Variants in TRDN observed in about 807,000 individuals in gnomAD.
TRDN encodes triadin, also known as triadin in skeletal muscle.
Under a neutral mutation model 149.7 loss-of-function variants are expected in TRDN, and 161 were observed. The observed-to-expected ratio is 1.08, with a 90% CI of 0.95 to 1.23. The LOEUF (loss-of-function observed/expected upper bound fraction) is 1.23. Ranked by LOEUF, TRDN falls within the 50% of genes most tolerant of loss-of-function variation. The probability of loss-of-function intolerance (pLI) is 0.00; values close to 1 mark genes in which losing one functional copy is unlikely to be tolerated. For missense variants in TRDN, 896 were observed against 823.5 expected, an observed-to-expected ratio of 1.09 and a Z score of -1.08; for synonymous variants, 294 against 250.5, an observed-to-expected ratio of 1.17 and a Z score of -1.64.
intron 7 of TRDN, among the ~76,000 whole-genome samples, chr6:123,504,968 G>A (rs1216217848): frequency 6.6e-6 from 1 of 152,038 alleles, no homozygotes; most frequent in Non-Finnish European, 1.5e-5. Flanking sequence ...GATGAAGGCC[G>A]GGCATGGCGG....
At chr6:123,442,561 A>AAG (rs1774984795) in intron 10 of TRDN, among the ~76,000 whole-genome samples, 1 of 122,712 alleles carries the variant, frequency 8.1e-6, no homozygotes, top group Non-Finnish European at 1.7e-5. Flanking sequence ...AAAAAAAAAA[A>AAG]GAAAAAAAAA....
chr6:123,257,186 G>A (rs1776595173), intron 35 of TRDN, among the ~76,000 whole-genome samples: 3 of 151,850 alleles, frequency 2.0e-5, no homozygotes, highest in African/African-American at 7.3e-5. Flanking sequence ...CACCATGTTG[G>A]CCAGGGTGGT....
chr6:123,262,604 A>G (rs536921273), intron 33 of TRDN, among the ~76,000 whole-genome samples: 64 of 152,140 alleles, frequency 4.2e-4, no homozygotes, highest in Non-Finnish European at 8.1e-4. Flanking sequence ...CTTAATTGCA[A>G]TTCTCAGGTA....
chr6:123,478,795 C>T (rs1156230616), intron 9 of TRDN, among the ~76,000 whole-genome samples: 1 of 152,150 alleles, frequency 6.6e-6, no homozygotes, highest in African/African-American at 2.4e-5. Flanking sequence ...TCAGTCAATC[C>T]TCAAAGCTTA....
At position 123,430,537 on chromosome 6, in the gene TRDN, G is replaced by A. The variant is rs978199461; in HGVS notation, c.1051+7526C>T. On this transcript the variant is annotated intron_variant, in intron 12 of 40. Transcript: ENST00000334268. ...GCGGAGGTTGCAGTAAGCCGAGATC[G>A]CGCCACTGCACTCCAGCCTGGTGAC... is the stretch of plus-strand genomic sequence containing the variant. Among the ~76,000 whole-genome samples, 9 of 151,956 alleles carry A rather than the reference G, an allele frequency of 5.9e-5. No individual in the cohort carries two copies. The East Asian group carries it at 1.4e-3, about 23-fold the overall frequency.
At chr6:123,559,565 C>T (rs1433602940) in intron 2 of TRDN, among the ~76,000 whole-genome samples, 1 of 152,156 alleles carries the variant, frequency 6.6e-6, no homozygotes. Flanking sequence ...CGATCATGCA[C>T]CCCTTACCAT....
intron 24 of TRDN, among the ~76,000 whole-genome samples, chr6:123,288,043 A>T (rs1286958697): frequency 2.0e-5 from 3 of 152,046 alleles, no homozygotes; most frequent in Non-Finnish European, 4.4e-5. Context: ...TATTATGCAT[A>T]GATTAATTTT....
At chr6:123,619,418 G>A (rs1205341326) in intron 1 of TRDN, among the ~76,000 whole-genome samples, 2 of 152,134 alleles carry the variant, frequency 1.3e-5, no homozygotes, top group Non-Finnish European at 2.9e-5. Context: ...CAAGGTCTTG[G>A]TCTCTTTCAT....
At chr6:123,572,829 C>G (rs1464372753) in intron 1 of TRDN, among the ~76,000 whole-genome samples, 3 of 152,010 alleles carry the variant, frequency 2.0e-5, no homozygotes, top group Admixed American at 1.3e-4. Flanking sequence ...TTCAATTTTA[C>G]TATTTATCTC....
chr6:123,301,849 T>C (rs1472100359), intron 24 of TRDN, among the ~76,000 whole-genome samples: 1 of 146,406 alleles, frequency 6.8e-6, no homozygotes, highest in Non-Finnish European at 1.5e-5. Flanking sequence ...GAAATACTGA[T>C]TCAACTGCCA....
chr6:123,428,997 C>A lies in TRDN; in HGVS notation c.1051+9066G>T, dbSNP rs572587094. The A allele has an allele frequency of 4.6e-5, 7 of 152,080 alleles. No individual in the cohort carries two copies. In the South Asian group the frequency reaches 1.5e-3, roughly 32 times the overall value. The allele number at this position is 152,080 out of a possible 1,614,324, so 9.4% of individuals were successfully genotyped here. ...TCTACAAGAAAAGTAAGAGTCAGAC[C>A]TACAGGATCTCTTCTGCATTTTTTC... On this transcript the variant is annotated intron_variant, in intron 12 of 40. Transcript: ENST00000334268.
At chr6:123,415,581 A>G (rs976405213) in intron 12 of TRDN, among the ~76,000 whole-genome samples, 3 of 152,222 alleles carry the variant, frequency 2.0e-5, no homozygotes, top group Non-Finnish European at 4.4e-5. Context: ...TATTAGGCAA[A>G]CACTATATAA....
intron 20 of TRDN, among the ~76,000 whole-genome samples, chr6:123,365,116 G>T (rs143471226): frequency 6.6e-6 from 1 of 152,078 alleles, no homozygotes; most frequent in Admixed American, 6.5e-5. Context: ...CTAGGAAATA[G>T]ATTTTAGCCC....
chr6:123,596,102 T>C (rs1190957113), intron 1 of TRDN, among the ~76,000 whole-genome samples: 2 of 152,006 alleles, frequency 1.3e-5, no homozygotes, highest in Non-Finnish European at 2.9e-5. Context: ...GAAAAGTTAT[T>C]GAAAGAAATT....
intron 23 of TRDN, among the ~76,000 whole-genome samples, chr6:123,317,489 T>C (rs558902026): frequency 2.7e-4 from 41 of 152,052 alleles, no homozygotes; most frequent in Admixed American, 2.4e-3. Flanking sequence ...ATAAAGAATG[T>C]CATAGACTTT....
At chr6:123,242,338 A>AT (rs1297478311) in intron 38 of TRDN, among the ~76,000 whole-genome samples, 3 of 152,052 alleles carry the variant, frequency 2.0e-5, no homozygotes, top group Non-Finnish European at 2.9e-5. Context: ...AGAATGTGGG[A>AT]TTTTTTTGCT....
At chr6:123,349,202 G>A (rs76629141) in intron 21 of TRDN, among the ~76,000 whole-genome samples, 12,316 of 152,140 alleles carry the variant, frequency 0.081, 1,605 homozygotes, top group African/African-American at 0.27. Context: ...TAAAATAAGA[G>A]TAAGAAGAAG....
chr6:123,618,618 C>G lies in TRDN; in HGVS notation c.22+18136G>C, dbSNP rs116563734. Among the ~76,000 whole-genome samples the G allele has an allele frequency of 7.0e-3, 1,066 of 152,302 alleles. 9 individuals are homozygous for G. The highest frequency in any genetic ancestry group is 0.025 in the African/African-American group (1,036 of 41,560). Reference sequence around the variant, plus strand: ...CTGTATACCACAACCAATATTCTCACTACTCTTCATCAGTAGACATTGTGT... The same window carrying G: ...CTGTATACCACAACCAATATTCTCAGTACTCTTCATCAGTAGACATTGTGT... On this transcript the variant is annotated intron_variant, in intron 1 of 40. Coordinates refer to ENST00000334268, the MANE Select transcript of TRDN (RefSeq NM_006073.4).
chr6:123,301,774 T>TATATATATACAC, intron 24 of TRDN, among the ~76,000 whole-genome samples: 1 of 138,666 alleles, frequency 7.2e-6, no homozygotes, highest in Non-Finnish European at 1.5e-5. Context: ...TATATACATA[T>TATATATATACAC]ATATATATAT....
Sources: gnomAD v4.1 joint callset for allele counts (sites outside exome capture counted in the v4.1 genomes callset) on GRCh38, gnomAD v4.1.1 for gene constraint, MANE v1.5 for transcripts, NCBI Gene and HGNC (gene_info 2026-07-23, HGNC 2026-07-21) for gene names.